Variants in LMNB1 observed in about 807,000 individuals in gnomAD.
The protein encoded by LMNB1 is lamin B1.
Under a neutral mutation model 67.1 loss-of-function variants are expected in LMNB1, and 23 were observed. The observed-to-expected ratio is 0.34, with a 90% confidence interval of 0.25 to 0.49. The LOEUF is 0.49. LMNB1 is among the 20% of genes least tolerant of loss of function. The pLI is 0.99. For synonymous variants in LMNB1, 281 were observed against 282.9 expected, an observed-to-expected ratio of 0.99 and a Z score of 0.07; for missense variants, 634 against 746.5, an observed-to-expected ratio of 0.85 and a Z score of 1.76.
intron 1 of LMNB1, among the ~76,000 whole-genome samples, chr5:126,797,887 G>A (rs890042759): frequency 6.6e-6 from 1 of 152,054 alleles, no homozygotes; most frequent in Non-Finnish European, 1.5e-5. Context: ...ACCAGCCGGG[G>A]CAACATAGGA....
At chr5:126,779,423 ACT>A (rs1410704949) in intron 1 of LMNB1, among the ~76,000 whole-genome samples, 1 of 152,116 alleles carries the variant, frequency 6.6e-6, no homozygotes, top group East Asian at 1.9e-4. Flanking sequence ...CAGTCAGTTA[ACT>A]CACACTATTA....
At chr5:126,808,753 G>A (rs1751513469) in intron 3 of LMNB1, among the ~76,000 whole-genome samples, 1 of 152,156 alleles carries the variant, frequency 6.6e-6, no homozygotes, top group Non-Finnish European at 1.5e-5. Flanking sequence ...GCATGCTCCT[G>A]TGTAGTAGTT....
intron 1 of LMNB1, among the ~76,000 whole-genome samples, chr5:126,779,583 T>A (rs1750569768): frequency 6.6e-6 from 1 of 152,222 alleles, no homozygotes; most frequent in South Asian, 2.1e-4. Context: ...GGACCCATCA[T>A]GATGGGTTTC....
intron 6 of LMNB1, 140 bp downstream of exon 6, chr5:126,819,282 A>AAT (rs1311098464): frequency 1.7e-6 from 1 of 595,070 alleles, no homozygotes; most frequent in Non-Finnish European, 3.0e-6. Flanking sequence ...TAGAAGTAGT[A>AAT]ATAGATCATA....
chr5:126,799,448 C>A (rs992324083), intron 1 of LMNB1, among the ~76,000 whole-genome samples: 13 of 152,246 alleles, frequency 8.5e-5, no homozygotes, highest in Admixed American at 2.6e-4. Flanking sequence ...CTGCCCTGAG[C>A]TCCCAGTGCA....
At chr5:126,794,907 G>C (rs959973095) in intron 1 of LMNB1, among the ~76,000 whole-genome samples, 2 of 152,106 alleles carry the variant, frequency 1.3e-5, no homozygotes, top group African/African-American at 4.8e-5. Context: ...GTTAGGGATA[G>C]GTACTGACAC....
chr5:126,810,148 G>T, intron 3 of LMNB1, 32 bp from the exon 4 acceptor site: 1 of 1,589,880 alleles, frequency 6.3e-7, no homozygotes. Context: ...ATGGTAAGTA[G>T]CTTGGCTTTA....
In LMNB1 at chr5:126,790,748, A is replaced by G. The variant is rs1750932357; in HGVS notation, c.359+12881A>G. Among the ~76,000 whole-genome samples the G allele has an allele frequency of 2.0e-5, 3 of 152,130 alleles. No homozygotes were observed. In the South Asian group the frequency reaches 6.2e-4, roughly 32 times the overall value. On this transcript the variant is annotated intron_variant, in intron 1 of 10. Coordinates refer to ENST00000261366, the MANE Select transcript of LMNB1 (RefSeq NM_005573.4). ...ATTGATAGTTTGGGTATAGAATTCT[A>G]GGTTGTAAATGCTATTTTCTTAGAC...
At chr5:126,786,683 CAGAT>C (rs1323581786) in intron 1 of LMNB1, among the ~76,000 whole-genome samples, 2 of 152,230 alleles carry the variant, frequency 1.3e-5, no homozygotes, top group South Asian at 2.1e-4. Context: ...CTTGAAGTCT[CAGAT>C]AGGATAGTTG....
At chr5:126,817,895 C>A (rs1222468372) in intron 5 of LMNB1, among the ~76,000 whole-genome samples, 4 of 152,190 alleles carry the variant, frequency 2.6e-5, no homozygotes, top group Non-Finnish European at 5.9e-5. Context: ...TCTGAGGCTA[C>A]TGAGATGAAT....
Position 126,780,948 on chromosome 5 carries a change from A to G in LMNB1, c.359+3081A>G, listed in dbSNP as rs73333442. The stretch of plus-strand genomic sequence containing the variant: ...CACATGAATCTGCTTTCTTCCCTAG[A>G]GTTCTCTTTGCTTAAGGTAGGCTGT... On this transcript the variant is annotated intron_variant, in intron 1 of 10. Coordinates refer to ENST00000261366, the MANE Select transcript of LMNB1 (RefSeq NM_005573.4). Among the ~76,000 whole-genome samples the G allele has an allele frequency of 7.0e-3, 1,060 of 152,168 alleles. 11 individuals are homozygous for G. Among genetic ancestry groups the G allele is most frequent in the African/African-American group, 0.024 (1,012 of 41,510 alleles).
intron 3 of LMNB1, among the ~76,000 whole-genome samples, chr5:126,806,306 A>G (rs896712215): frequency 2.6e-5 from 4 of 152,238 alleles, no homozygotes; most frequent in African/African-American, 9.6e-5. Context: ...TACTGTCAAC[A>G]TGTTTAAGCA....
chr5:126,820,591 T>C (rs973297298), intron 6 of LMNB1, among the ~76,000 whole-genome samples: 5 of 152,168 alleles, frequency 3.3e-5, no homozygotes, highest in Non-Finnish European at 5.9e-5. Context: ...AGTGGTGTGA[T>C]CTCAGCTCAC....
chr5:126,778,579 A>G (rs1347845847), intron 1 of LMNB1, among the ~76,000 whole-genome samples: 3 of 152,136 alleles, frequency 2.0e-5, no homozygotes, highest in African/African-American at 7.2e-5. Flanking sequence ...CTCTGGGGAA[A>G]TGTGTCCTGT....
chr5:126,811,012 T>C (rs1751566506), intron 4 of LMNB1, among the ~76,000 whole-genome samples: 1 of 152,248 alleles, frequency 6.6e-6, no homozygotes. Context: ...CTTAGAATAT[T>C]AGAGTCACAG....
At chr5:126,778,246 C>G (rs548722117) in intron 1 of LMNB1, among the ~76,000 whole-genome samples, 8 of 151,936 alleles carry the variant, frequency 5.3e-5, no homozygotes, top group South Asian at 2.1e-4. Flanking sequence ...CGCGAGCGCG[C>G]GCTCGCGTGC....
At chr5:126,788,800 C>CCATA (rs1750875588) in intron 1 of LMNB1, among the ~76,000 whole-genome samples, 1 of 151,838 alleles carries the variant, frequency 6.6e-6, no homozygotes. Context: ...AAACCACTGG[C>CCATA]CATAATTAAG....
rs1430632454 is a variant in LMNB1 at position 126,832,220 on chromosome 5, G to T, written c.1612-474G>T. 3.9e-5 allele frequency among the ~76,000 whole-genome samples: 6 copies of T among 152,250 alleles called. No individual in the cohort carries two copies. The East Asian group carries it at 1.2e-3, about 29-fold the overall frequency. ...GAAGTGAAGGTTTCAGTGAACCGAG[G>T]TCATGCCACTGCACACCAGCCTGGG... On this transcript the variant is annotated intron_variant, in intron 9 of 10. Coordinates refer to ENST00000261366, the MANE Select transcript of LMNB1 (RefSeq NM_005573.4).
intron 1 of LMNB1, among the ~76,000 whole-genome samples, chr5:126,797,281 G>A (rs1751129600): frequency 6.6e-6 from 1 of 152,100 alleles, no homozygotes; most frequent in African/African-American, 2.4e-5. Flanking sequence ...TGGTTCTTCT[G>A]TAAAACATCT....
Sources: allele counts gnomAD v4.1 joint callset (sites outside exome capture counted in the v4.1 genomes callset), GRCh38; gene constraint gnomAD v4.1.1; transcripts MANE v1.5; gene names NCBI Gene and HGNC (gene_info 2026-07-23, HGNC 2026-07-21).